DST: variants seen among roughly 807,000 people sequenced by gnomAD.
DST encodes bullous pemphigoid antigen.
Under a neutral mutation model 875.2 loss-of-function variants are expected in DST, and 253 were observed. The ratio of observed to expected loss-of-function variants is 0.29; its 90% CI spans 0.26 to 0.32. DST has a LOEUF of 0.32. Among genes scored for constraint, DST ranks in the 10% least tolerant of loss-of-function variants. DST has a pLI of 1.00. For synonymous variants in DST, 3,124 were observed against 3,197.1 expected, an observed-to-expected ratio of 0.98 and a Z score of 0.77; for missense variants, 8,287 against 9,111.6, an observed-to-expected ratio of 0.91 and a Z score of 3.68.
At chr6:56,800,436 G>A (rs1275417763) in intron 4 of DST, among the ~76,000 whole-genome samples, 2 of 152,052 alleles carry the variant, frequency 1.3e-5, no homozygotes, top group African/African-American at 4.8e-5. Context: ...TTATAATACT[G>A]ATAAGCATTT....
chr6:56,467,518 A>T (rs1458570676), intron 98 of DST: 2 of 152,180 alleles, frequency 1.3e-5, no homozygotes, highest in African/African-American at 4.8e-5. Context: ...ATTAAAATTT[A>T]AAAATAAAAG....
At chr6:56,477,608 C>T in intron 90 of DST, 120 bp from the exon 91 acceptor site, 2 of 1,256,112 alleles carry the variant, frequency 1.6e-6, no homozygotes, top group Non-Finnish European at 2.2e-6. Flanking sequence ...GGTTTATTCA[C>T]AGTGAAAATC....
At chr6:56,724,187 T>C (rs955869383) in intron 5 of DST, among the ~76,000 whole-genome samples, 1 of 152,222 alleles carries the variant, frequency 6.6e-6, no homozygotes, top group Non-Finnish European at 1.5e-5. Flanking sequence ...AAATTAAAGT[T>C]AGATGTTTAA....
chr6:56,694,524 G>GT (rs1204545940), intron 9 of DST, among the ~76,000 whole-genome samples: 2 of 151,192 alleles, frequency 1.3e-5, no homozygotes, highest in African/African-American at 2.4e-5. Flanking sequence ...ATTTTTTTTT[G>GT]TTTTTAACTT....
chr6:56,606,804 A>G lies in DST; in HGVS notation c.7824T>C (p.Ser2608=), dbSNP rs2098502318. Residue 2608 remains serine, a synonymous_variant, in exon 40 of 104, where the codon AGT becomes AGC. Transcript: ENST00000680361. ...QQNNTGTDTD[S]DDDFYDTPLF... ...AGGGAGTATCATAAAAATCATCATC[A>G]CTATCAGTGTCTGTTCCTGTGTTAT... 4 of 1,613,136 alleles carry G rather than the reference A, an allele frequency of 2.5e-6. No homozygotes were observed. Among genetic ancestry groups the G allele is most frequent in the Non-Finnish European group, 2.5e-6 (3 of 1,179,558 alleles).
At chr6:56,636,431 T>TACAC (rs1563358870) in intron 23 of DST, 126 bp downstream of exon 23, 22 of 708,584 alleles carry the variant, frequency 3.1e-5, no homozygotes, top group Admixed American at 6.0e-5. Flanking sequence ...TATGTGTATA[T>TACAC]ATATATGTGT....
chr6:56,489,708 C>A, intron 85 of DST, 99 bp from the exon 86 acceptor site: 1 of 1,117,112 alleles, frequency 9.0e-7, no homozygotes. Flanking sequence ...GATGAAAATC[C>A]TGAAAATTAT....
Position 56,574,090 on chromosome 6 carries a change from A to G in DST, c.13028-203T>C, listed in dbSNP as rs558740005. Among the ~76,000 whole-genome samples, 6 of 152,330 alleles carry G rather than the reference A, an allele frequency of 3.9e-5. No homozygotes were observed. In the South Asian group the frequency reaches 1.2e-3, roughly 32 times the overall value. On this transcript the variant is annotated intron_variant, in intron 50 of 103. Coordinates refer to ENST00000680361, the MANE Select transcript of DST (RefSeq NM_001374736.1). ...AGAAAAGAGCCCAATGGATACTGAAAATTGAAATCTTTTTTTAAAAGTTAA... is the reference window on the plus strand; with the variant it reads ...AGAAAAGAGCCCAATGGATACTGAAGATTGAAATCTTTTTTTAAAAGTTAA...
At chr6:56,510,090 C>T (rs923871722) in intron 73 of DST, among the ~76,000 whole-genome samples, 5 of 152,074 alleles carry the variant, frequency 3.3e-5, no homozygotes, top group African/African-American at 1.2e-4. Context: ...TACCTATGTA[C>T]AATAGACTTA....
intron 48 of DST, among the ~76,000 whole-genome samples, 198 bp downstream of exon 48, chr6:56,593,465 C>T (rs1396395193): frequency 6.9e-6 from 1 of 145,390 alleles, no homozygotes; most frequent in Non-Finnish European, 1.5e-5. Flanking sequence ...TGCAGTGAGC[C>T]GAGATCACGC....
At chr6:56,917,003 AAAAAAAAAAAAAAAG>A (rs1356483646) in intron 2 of DST, among the ~76,000 whole-genome samples, 2,538 of 143,474 alleles carry the variant, frequency 0.018, 107 homozygotes, top group African/African-American at 0.062. Flanking sequence ...AAAAAAAAAA[AAAAAAAAAAAAAAAG>A]ACAGGCAGAG....
chr6:56,515,804 A>G, intron 71 of DST, 136 bp from the exon 72 acceptor site: 1 of 622,792 alleles, frequency 1.6e-6, no homozygotes, highest in Non-Finnish European at 2.7e-6. Flanking sequence ...CATCAGTAAA[A>G]GCTATTCAGA....
At chr6:56,621,413 G>A (rs558564300) in intron 36 of DST, among the ~76,000 whole-genome samples, 4 of 152,318 alleles carry the variant, frequency 2.6e-5, no homozygotes, top group African/African-American at 9.6e-5. Flanking sequence ...TGCAAAGGCA[G>A]CTACAGTCCT....
chr6:56,693,460 G>T, intron 9 of DST: 1 of 926,486 alleles, frequency 1.1e-6, no homozygotes, highest in Non-Finnish European at 1.3e-6. Flanking sequence ...CAAACCCTTA[G>T]CTTCACTGTA....
intron 84 of DST, 48 bp from the exon 85 acceptor site, chr6:56,492,481 C>A (rs369454881): frequency 1.9e-6 from 3 of 1,553,270 alleles, no homozygotes; most frequent in African/African-American, 2.8e-5. Context: ...AAAATCAGAT[C>A]AATCTTAAAA....
intron 10 of DST, among the ~76,000 whole-genome samples, chr6:56,667,799 G>A (rs1007107967): frequency 1.3e-5 from 2 of 149,176 alleles, no homozygotes; most frequent in Non-Finnish European, 3.0e-5. Context: ...AAGTACTTAG[G>A]AGAAAAATGC....
rs145412096 is a variant in DST at position 56,641,115 on chromosome 6, C to CAGAGAGAGAG, written c.2028-520_2028-511dup. Among the ~76,000 whole-genome samples the CAGAGAGAGAG allele has an allele frequency of 4.4e-3, 622 of 142,616 alleles. 5 individuals carry two copies. Among genetic ancestry groups the CAGAGAGAGAG allele is most frequent in the South Asian group, 0.014 (59 of 4,358 alleles). 93.6% of individuals were successfully genotyped at this position (142,616 alleles called of 152,430 possible). ...ATTTTTGCATTTACATATTTATGCACAGAGAGAGAGAGAGAGAGAGAGAGA... is the reference window on the plus strand; with the variant it reads ...ATTTTTGCATTTACATATTTATGCACAGAGAGAGAGAGAGAGAGAGAGAGAGAGAGAGAGA... On this transcript the variant is annotated intron_variant, in intron 17 of 103. Coordinates refer to ENST00000680361, the MANE Select transcript of DST (RefSeq NM_001374736.1).
rs200357141 is a variant in DST at position 56,836,606 on chromosome 6, T to C, written c.625+14791A>G. 2.0e-3 allele frequency among the ~76,000 whole-genome samples: 310 copies of C among 151,916 alleles called. 2 individuals are homozygous for C. Among genetic ancestry groups the C allele is most frequent in the East Asian group, 7.9e-3 (41 of 5,174 alleles). ...TGGCTCACGCTTGTAATCCCAGCAC[T>C]TTGGGAGGCCGAGGCGGGCGGATCA... is the stretch of plus-strand genomic sequence containing the variant. On this transcript the variant is annotated intron_variant, in intron 4 of 103. Transcript: ENST00000680361.
At position 56,605,684 on chromosome 6, in the gene DST, A is replaced by G; in HGVS notation, c.8944T>C (p.Tyr2982His). 6.2e-7 allele frequency: 1 copy of G among 1,612,954 alleles called. No homozygotes were observed. The highest frequency in any genetic ancestry group is 8.5e-7 in the Non-Finnish European group (1 of 1,179,360). The change falls in exon 40 of 104, where the codon TAT becomes CAT. Residue 2982 changes from tyrosine to histidine, a missense_variant. Around this residue, in one of 10 missense-constraint regions of DST, gnomAD observed 3,138 missense variants for 3,116.6 expected, o/e 1.01. Coordinates refer to ENST00000680361, the MANE Select transcript of DST (RefSeq NM_001374736.1). ...LTDSVKGKDE[Y>H]FKNMTPKVDS... ...ACTTTTGGTGTCATATTCTTAAAATATTCATCTTTACCTTTCACAGAATCA... is the reference window on the plus strand; with the variant it reads ...ACTTTTGGTGTCATATTCTTAAAATGTTCATCTTTACCTTTCACAGAATCA...
Sources: gnomAD v4.1 joint callset for allele counts (sites outside exome capture counted in the v4.1 genomes callset) on GRCh38, gnomAD v4.1.1 for gene constraint, gnomAD v4.1.1 regional missense constraint, MANE v1.5 for transcripts, NCBI Gene and HGNC (gene_info 2026-07-23, HGNC 2026-07-21) for gene names.